SIPA1L1: variants seen among roughly 807,000 people sequenced by gnomAD.
SIPA1L1 encodes signal-induced proliferation-associated 1-like protein 1.
Under a neutral mutation model 162.7 loss-of-function variants are expected in SIPA1L1, and 26 were observed. The observed-to-expected ratio is 0.16, with a 90% CI of 0.12 to 0.22. The LOEUF (loss-of-function observed/expected upper bound fraction) is 0.22, where lower values mean the gene tolerates loss of function less well. SIPA1L1 is among the 10% of genes least tolerant of loss of function. The probability of loss-of-function intolerance (pLI) is 1.00; values close to 1 mark genes in which losing one functional copy is unlikely to be tolerated. For synonymous variants in SIPA1L1, 829 were observed against 837.4 expected (o/e 0.99, Z 0.17); for missense variants, 1,874 against 2,241.0 (o/e 0.84, Z 3.31).
chr14:71,661,978 C>T (rs2043559672), intron 10 of SIPA1L1, among the ~76,000 whole-genome samples: 1 of 152,198 alleles, frequency 6.6e-6, no homozygotes, highest in Non-Finnish European at 1.5e-5. Context: ...GACGTAGTCA[C>T]ATGAGTATCA....
chr14:71,566,034 A>G (rs544427197), intron 4 of SIPA1L1, among the ~76,000 whole-genome samples: 2 of 152,272 alleles, frequency 1.3e-5, no homozygotes, highest in East Asian at 1.9e-4. Context: ...TGAAAATGAC[A>G]TGAGTGTCTA....
intron 5 of SIPA1L1, among the ~76,000 whole-genome samples, chr14:71,616,604 T>A (rs745390847): frequency 6.6e-6 from 1 of 151,986 alleles, no homozygotes; most frequent in South Asian, 2.1e-4. Flanking sequence ...GGGCTTTGGA[T>A]CATACAGAAA....
At chr14:71,398,420 G>A (rs1368710198) in intron 2 of SIPA1L1, 1 of 152,162 alleles carries the variant, frequency 6.6e-6, no homozygotes, top group East Asian at 1.9e-4. Flanking sequence ...ATGAATTGTA[G>A]CATTTTCTTT....
chr14:71,559,171 G>A (rs769802242), intron 4 of SIPA1L1, among the ~76,000 whole-genome samples: 5 of 151,336 alleles, frequency 3.3e-5, no homozygotes, highest in Non-Finnish European at 5.9e-5. Flanking sequence ...TGGTTCAAGC[G>A]ATTCTACTAC....
chr14:71,352,164 A>C (rs1304287640), intron 2 of SIPA1L1, among the ~76,000 whole-genome samples: 2 of 152,012 alleles, frequency 1.3e-5, no homozygotes, highest in East Asian at 3.8e-4. Context: ...AGAAAGCACA[A>C]ATGTACCATG....
intron 1 of SIPA1L1, among the ~76,000 whole-genome samples, chr14:71,320,781 C>A (rs555626731): frequency 6.6e-6 from 1 of 152,004 alleles, no homozygotes; most frequent in African/African-American, 2.4e-5. Flanking sequence ...ACTGGCCGCC[C>A]CCTCAGTTCT....
intron 2 of SIPA1L1, among the ~76,000 whole-genome samples, chr14:71,376,566 T>A (rs1002947348): frequency 6.6e-6 from 1 of 152,094 alleles, no homozygotes; most frequent in Non-Finnish European, 1.5e-5. Flanking sequence ...TTTCATTTAT[T>A]TATTTTTTTT....
intron 2 of SIPA1L1, among the ~76,000 whole-genome samples, chr14:71,372,966 T>C (rs2039026876): frequency 6.6e-6 from 1 of 152,150 alleles, no homozygotes; most frequent in Admixed American, 6.6e-5. Context: ...GATAGTATTT[T>C]AGAATTTCCA....
chr14:71,623,502 T>G (rs1477018468), intron 6 of SIPA1L1, among the ~76,000 whole-genome samples: 1 of 152,236 alleles, frequency 6.6e-6, no homozygotes, highest in Non-Finnish European at 1.5e-5. Flanking sequence ...TAATTTCAGC[T>G]GCTATTGCCT....
rs74969913 is a variant in SIPA1L1 at position 71,661,938 on chromosome 14, A to G, written c.2255+471A>G. Among the ~76,000 whole-genome samples, 365 of 152,344 alleles carry G rather than the reference A, an allele frequency of 2.4e-3. 1 individual carries two copies. Among genetic ancestry groups the G allele is most frequent in the African/African-American group, 8.2e-3 (339 of 41,584 alleles). On this transcript the variant is annotated intron_variant, in intron 10 of 23. Coordinates refer to ENST00000381232, the MANE Select transcript of SIPA1L1 (RefSeq NM_001386936.1). ...GAAACGCTTCTATACTTTATTTAGC[A>G]TTATTGAAATTGTTTCAGTGTTACT...
intron 2 of SIPA1L1, among the ~76,000 whole-genome samples, chr14:71,469,974 G>C (rs2047324588): frequency 6.6e-6 from 1 of 152,142 alleles, no homozygotes; most frequent in African/African-American, 2.4e-5. Context: ...CCTGAGCCTG[G>C]GGCAGCAGCA....
At chr14:71,721,165 G>A (rs2083692331) in intron 17 of SIPA1L1, among the ~76,000 whole-genome samples, 1 of 152,188 alleles carries the variant, frequency 6.6e-6, no homozygotes. Context: ...CAGCACTAGG[G>A]GGCACCCTAA....
intron 2 of SIPA1L1, among the ~76,000 whole-genome samples, chr14:71,413,267 C>T (rs780461283): frequency 1.3e-5 from 2 of 152,148 alleles, no homozygotes; most frequent in Non-Finnish European, 2.9e-5. Flanking sequence ...TTCCCATAGG[C>T]ATGTGATGGA....
intron 5 of SIPA1L1, among the ~76,000 whole-genome samples, chr14:71,612,266 A>G (rs1335078784): frequency 6.6e-6 from 1 of 152,152 alleles, no homozygotes. Context: ...GTTGCTTTCA[A>G]AAGCAGTTGA....
At chr14:71,471,334 T>TG (rs2047442832) in intron 2 of SIPA1L1, among the ~76,000 whole-genome samples, 1 of 152,112 alleles carries the variant, frequency 6.6e-6, no homozygotes, top group Non-Finnish European at 1.5e-5. Context: ...TCGGGCGTGG[T>TG]GGCATGTGCC....
At chr14:71,645,713 G>T (rs566621230) in intron 7 of SIPA1L1, among the ~76,000 whole-genome samples, 1 of 152,294 alleles carries the variant, frequency 6.6e-6, no homozygotes, top group South Asian at 2.1e-4. Flanking sequence ...CTTGATTCAT[G>T]CAAAAGTGCC....
intron 2 of SIPA1L1, among the ~76,000 whole-genome samples, chr14:71,462,585 A>G (rs1417496745): frequency 6.6e-6 from 1 of 152,200 alleles, no homozygotes; most frequent in Non-Finnish European, 1.5e-5. Context: ...CTTAGAAGGA[A>G]TATCTTGACA....
chr14:71,448,698 T>TGTG (rs3085178), intron 2 of SIPA1L1: 90,293 of 151,786 alleles, frequency 0.59, 27,695 homozygotes, highest in East Asian at 0.77. Context: ...AGCCGGGTGT[T>TGTG]GTACCTGCCT....
intron 4 of SIPA1L1, among the ~76,000 whole-genome samples, chr14:71,546,153 C>T (rs555090206): frequency 6.6e-6 from 1 of 151,992 alleles, no homozygotes; most frequent in East Asian, 1.9e-4. Context: ...GCTTTTAAAG[C>T]CCTATAATTT....
Sources: gnomAD v4.1 joint callset for allele counts (sites outside exome capture counted in the v4.1 genomes callset) on GRCh38, gnomAD v4.1.1 for gene constraint, MANE v1.5 for transcripts, NCBI Gene and HGNC (gene_info 2026-07-23, HGNC 2026-07-21) for gene names.